Variants in ANKRD28 observed in about 807,000 individuals in gnomAD.
ANKRD28 encodes serine/threonine-protein phosphatase 6 regulatory ankyrin repeat subunit A.
In ANKRD28, 44 loss-of-function variants were observed where a neutral mutation model predicts 126.5. The ratio of observed to expected loss-of-function variants is 0.35; its 90% CI spans 0.27 to 0.45. The LOEUF (loss-of-function observed/expected upper bound fraction) is 0.45, where lower values mean the gene tolerates loss of function less well. Ranked by LOEUF, ANKRD28 falls within the 20% of genes least tolerant of loss-of-function variation. The pLI is 1.00. For missense variants in ANKRD28, 1,110 were observed against 1,316.6 expected (o/e 0.84, Z 2.43); for synonymous variants, 442 against 468.5 (o/e 0.94, Z 0.73).
At chr3:15,728,830 T>G (rs1016742734) in intron 6 of ANKRD28, among the ~76,000 whole-genome samples, 1 of 152,196 alleles carries the variant, frequency 6.6e-6, no homozygotes, top group African/African-American at 2.4e-5. Flanking sequence ...CTTAACCAAC[T>G]TAGTTTACTC....
In ANKRD28 at chr3:15,817,251, T is replaced by C. The variant is rs1194958229; in HGVS notation, c.28-21945A>G. Among the ~76,000 whole-genome samples, 1 of 134,852 alleles carries C rather than the reference T, an allele frequency of 7.4e-6. No homozygotes were observed. Among genetic ancestry groups the C allele is most frequent in the Admixed American group, 8.3e-5 (1 of 12,112 alleles). 88.5% of individuals were successfully genotyped at this position (134,852 alleles called of 152,430 possible). ...CATACTGATGATTTTATCTTGTCAG[T>C]AGAAGTACCATGGTTTTTTTTTCCT... On this transcript the variant is annotated intron_variant, in intron 1 of 27. Transcript: ENST00000399451. The surrounding 1 kb of genome is among the most constrained non-coding windows in gnomAD (Gnocchi z 4.5).
chr3:15,713,455 G>T, intron 10 of ANKRD28, 72 bp downstream of exon 10: 1 of 1,160,372 alleles, frequency 8.6e-7, no homozygotes, highest in Non-Finnish European at 1.3e-6. Flanking sequence ...CACGTGAAAT[G>T]TCTAGAAAAC....
At chr3:15,686,404 G>A in intron 18 of ANKRD28, 95 bp from the exon 19 acceptor site, 1 of 1,010,640 alleles carries the variant, frequency 9.9e-7, no homozygotes, top group Non-Finnish European at 1.5e-6. Flanking sequence ...TTACTTTTGG[G>A]ATAGTTGCAC....
chr3:15,724,590 A>C, intron 6 of ANKRD28, 66 bp from the exon 7 acceptor site: 1 of 1,419,194 alleles, frequency 7.0e-7, no homozygotes, highest in Non-Finnish European at 9.4e-7. Flanking sequence ...TATAATCCCA[A>C]ATATCTTTAA....
rs2068088731 is a variant in ANKRD28 at position 15,686,084 on chromosome 3, G to A, written c.2087C>T (p.Thr696Ile). ...PLMLSVLNGHTDCVYSLLNKG... is the reference protein window; with the variant it reads ...PLMLSVLNGHIDCVYSLLNKG... ...GTTCAGCAATGAGTAAACACAGTCT[G>A]TGTGCCCGTTGAGAACAGATAGCAT... The change falls in exon 20 of 28, where the codon ACA (threonine) becomes ATA (isoleucine). Residue 696 changes from threonine to isoleucine, a missense_variant. By Grantham distance (89) the Thr-to-Ile change is moderately conservative. Transcript: ENST00000683139. 1.9e-6 allele frequency: 3 copies of A among 1,613,426 alleles called. No homozygotes were observed. The highest frequency in any genetic ancestry group is 2.2e-5 in the South Asian group (2 of 90,904).
chr3:15,859,625 C>A lies in ANKRD28; in HGVS notation c.-222G>T, dbSNP rs2061863154. On this transcript the variant is annotated 5_prime_UTR_variant, in exon 1 of 28. Coordinates refer to the ANKRD28 transcript ENST00000399451. ...CGCCGCCGCCGAGAGGTGAGGTGCC[C>A]GGCCGGTCCCGCCTCCTCCTCTGAG... 3 of 175,074 alleles carry A rather than the reference C, an allele frequency of 1.7e-5. No individual in the cohort carries two copies. The South Asian group carries it at 4.8e-4, about 28-fold the overall frequency. 10.8% of individuals were successfully genotyped at this position (175,074 alleles called of 1,614,324 possible). A position where few individuals can be genotyped will look rare whatever the true frequency, so the allele number is the denominator to read the frequency against.
At chr3:15,679,713 T>C (rs1559320993) in intron 21 of ANKRD28, 150 bp from the exon 22 acceptor site, 2 of 654,160 alleles carry the variant, frequency 3.1e-6, no homozygotes, top group Non-Finnish European at 5.2e-6. Context: ...CATTGGTAGC[T>C]GTTAAGCCAC....
chr3:15,697,807 T>A (rs1331989195), intron 14 of ANKRD28, among the ~76,000 whole-genome samples: 2 of 152,212 alleles, frequency 1.3e-5, no homozygotes, highest in East Asian at 3.8e-4. Context: ...GAAGGAATGG[T>A]ACCAGCTCCT....
At chr3:15,760,348 C>T (rs2058389205) in intron 3 of ANKRD28, among the ~76,000 whole-genome samples, 1 of 152,142 alleles carries the variant, frequency 6.6e-6, no homozygotes, top group Admixed American at 6.5e-5. Flanking sequence ...AATTTGGTTA[C>T]TTAAGTTTAC....
rs2061700107 is a variant in ANKRD28 at position 15,853,631 on chromosome 3, G to A, written c.27+5746C>T. Among the ~76,000 whole-genome samples, 1 of 151,946 alleles carries A rather than the reference G, an allele frequency of 6.6e-6. No individual in the cohort carries two copies. Among genetic ancestry groups the A allele is most frequent in the Admixed American group, 6.6e-5 (1 of 15,256 alleles). ...ACTACAGGCGCCCGCCACCACGCCT[G>A]GCTAATTTTTTGTATTTTTAGTAGA... On this transcript the variant is annotated intron_variant, in intron 1 of 27. Coordinates refer to the ANKRD28 transcript ENST00000399451. This position sits in a 1 kb window ranked among gnomAD's most constrained non-coding sequence, Gnocchi z 4.2.
intron 1 of ANKRD28, among the ~76,000 whole-genome samples, chr3:15,844,777 A>C (rs1285116186): frequency 6.6e-6 from 1 of 152,212 alleles, no homozygotes; most frequent in Non-Finnish European, 1.5e-5. Context: ...GTTTTATAAT[A>C]AAAGATTAAC....
intron 8 of ANKRD28, among the ~76,000 whole-genome samples, chr3:15,719,341 AT>A: frequency 6.6e-6 from 1 of 152,134 alleles, no homozygotes; most frequent in Middle Eastern, 3.2e-3. Flanking sequence ...AAGCTTAAAC[AT>A]TTTTACTAAT....
intron 27 of ANKRD28, among the ~76,000 whole-genome samples, chr3:15,672,106 A>T (rs573897301): frequency 6.6e-6 from 1 of 151,112 alleles, no homozygotes; most frequent in Non-Finnish European, 1.5e-5. Flanking sequence ...GTTCTCCCAC[A>T]TATTTTCATC....
At chr3:15,771,041 A>G (rs904299213) in intron 2 of ANKRD28, among the ~76,000 whole-genome samples, 4 of 152,178 alleles carry the variant, frequency 2.6e-5, no homozygotes, top group Admixed American at 6.5e-5. Context: ...CACTGCTACA[A>G]AGGAATATCT....
chr3:15,849,628 AT>A (rs2061596272), intron 1 of ANKRD28, among the ~76,000 whole-genome samples: 2 of 152,148 alleles, frequency 1.3e-5, no homozygotes, highest in Admixed American at 6.5e-5. Flanking sequence ...GGAAGCTACA[AT>A]GGACCTGAAT....
intron 1 of ANKRD28, among the ~76,000 whole-genome samples, chr3:15,821,808 A>T (rs1181665703): frequency 6.6e-6 from 1 of 152,134 alleles, no homozygotes; most frequent in Admixed American, 6.6e-5. Context: ...TATGGACCTT[A>T]TTCTCAAAAA....
At chr3:15,859,242 G>T in intron 1 of ANKRD28, 1 of 1,324,450 alleles carries the variant, frequency 7.6e-7, no homozygotes, top group Non-Finnish European at 9.9e-7. Context: ...GTCTCGCGCA[G>T]GTCCCCGGGG....
At chr3:15,741,224 A>C (rs1010606948) in intron 4 of ANKRD28, among the ~76,000 whole-genome samples, 36 of 152,178 alleles carry the variant, frequency 2.4e-4, no homozygotes, top group African/African-American at 8.7e-4. Context: ...AAAACAAAAA[A>C]CGTGTCAGAT....
chr3:15,694,077 G>T (rs1028351520), intron 17 of ANKRD28, among the ~76,000 whole-genome samples: 1 of 151,988 alleles, frequency 6.6e-6, no homozygotes, highest in African/African-American at 2.4e-5. Flanking sequence ...ACTCTAACAT[G>T]CTTTGTCTCA....
Sources: gnomAD v4.1 joint callset for allele counts (sites outside exome capture counted in the v4.1 genomes callset) on GRCh38, gnomAD v4.1.1 for gene constraint, Gnocchi (gnomAD v3.1) non-coding constraint, MANE v1.5 for transcripts, NCBI Gene and HGNC (gene_info 2026-07-23, HGNC 2026-07-21) for gene names.